The following MXRA5 variants were observed in gnomAD, a reference collection of about 807,000 sequenced individuals.
MXRA5 encodes matrix-remodeling-associated protein 5.
In MXRA5, 41 loss-of-function variants were observed where a neutral mutation model predicts 112.5. The observed-to-expected ratio is 0.36, with a 90% confidence interval of 0.28 to 0.47. The LOEUF (loss-of-function observed/expected upper bound fraction) is 0.47, where lower values mean the gene tolerates loss of function less well. Among genes scored for constraint, MXRA5 ranks in the 20% least tolerant of loss-of-function variants. MXRA5 has a pLI of 0.99. For missense variants in MXRA5, 2,150 were observed against 2,251.0 expected, an observed-to-expected ratio of 0.96 and a Z score of 0.91; for synonymous variants, 862 against 900.8, an observed-to-expected ratio of 0.96 and a Z score of 0.77.
chrX:3,341,333 TTA>T (rs1356993493), intron 2 of MXRA5, among the ~76,000 whole-genome samples: 2 of 43,586 alleles, frequency 4.6e-5, no homozygotes, highest in Non-Finnish European at 7.8e-5. Flanking sequence ...TATATTTACA[TTA>T]TATATATTAT....
chrX:3,324,732 A>T lies in MXRA5; in HGVS notation c.953T>A (p.Ile318Asn), dbSNP rs1467172139. Residue 318 changes from isoleucine (I) to asparagine (N), a missense_variant, in exon 5 of 7, where the codon ATC becomes AAC. Physicochemically the swap from Ile to Asn is moderately radical, Grantham distance 149. Around this residue, in one of 6 missense-constraint regions of MXRA5, gnomAD observed 386 missense variants for 411.0 expected, o/e 0.94. Coordinates refer to ENST00000217939, the MANE Select transcript of MXRA5 (RefSeq NM_015419.4). ...LEKFQLPQWS[I>N]SLNMTDEHGN... ...GTGCTCGTCGGTCATATTCAAAGAG[A>T]TGCTCCACTGGGGCAGTTGGAATTT... 1 of 1,209,492 alleles carries T rather than the reference A, an allele frequency of 8.3e-7. No homozygotes were observed. Among genetic ancestry groups the T allele is most frequent in the South Asian group, 1.8e-5 (1 of 56,734 alleles).
chrX:3,322,721 T>C lies in MXRA5; in HGVS notation c.2964A>G (p.Pro988=), dbSNP rs1921344962. 1.7e-6 allele frequency: 2 copies of C among 1,209,662 alleles called. No homozygotes were observed. Among genetic ancestry groups the C allele is most frequent in the East Asian group, 3.0e-5 (1 of 33,752 alleles). ...TGTCTTCTTTCATCTTATCCTCATC[T>C]GGTTGTGACTTAGTCTCCAAATCTG... is the stretch of plus-strand genomic sequence containing the variant. The part of the protein sequence containing the change: ...FDPDLETKSQ[P]DEDKMKEDTF... The change falls in exon 5 of 7, where the codon CCA becomes CCG. Residue 988 remains proline (P), a synonymous_variant. Coordinates refer to ENST00000217939, the MANE Select transcript of MXRA5 (RefSeq NM_015419.4).
chrX:3,320,087 G>A lies in MXRA5; in HGVS notation c.5598C>T (p.Thr1866=), dbSNP rs375476101. ...AGGGGAACACAGTGTCTGTCTCAGCGGTGACGGACACAGTCTGTGGGGACT... is the reference window on the plus strand; with the variant it reads ...AGGGGAACACAGTGTCTGTCTCAGCAGTGACGGACACAGTCTGTGGGGACT... The part of the protein sequence containing the change: ...LTKSPQTVSV[T]AETDTVFPCE... Residue 1866 remains threonine (T), a synonymous_variant, in exon 5 of 7, where the codon ACC becomes ACT. Transcript: ENST00000217939. 5.0e-6 allele frequency: 6 copies of A among 1,211,341 alleles called. No individual in the cohort carries two copies. Among genetic ancestry groups the A allele is most frequent in the South Asian group, 1.8e-5 (1 of 56,928 alleles).
intron 1 of MXRA5, among the ~76,000 whole-genome samples, chrX:3,344,711 G>T (rs1922066324): frequency 1.8e-5 from 2 of 111,457 alleles, no homozygotes; most frequent in Non-Finnish European, 3.8e-5. Flanking sequence ...CTCTTGAATG[G>T]CGTTCACTTA....
At chrX:3,318,124 G>T in intron 5 of MXRA5, 121 bp from the exon 6 acceptor site, 1 of 543,053 alleles carries the variant, frequency 1.8e-6, no homozygotes, top group Non-Finnish European at 2.8e-6. Flanking sequence ...AGCAAATGTA[G>T]TAGGTAGAAT....
At chrX:3,319,221 G>A (rs146807533) in intron 5 of MXRA5, among the ~76,000 whole-genome samples, 12,630 of 112,251 alleles carry the variant, frequency 0.11, 625 homozygotes, top group Middle Eastern at 0.21. Flanking sequence ...ACACACATAC[G>A]AAATAAGTAT....
intron 2 of MXRA5, among the ~76,000 whole-genome samples, chrX:3,341,038 AT>A (rs1184698725): frequency 6.3e-5 from 5 of 78,827 alleles, no homozygotes; most frequent in Non-Finnish European, 6.9e-5. Flanking sequence ...TGTATAATAT[AT>A]ATTGTGTATA....
rs1921404724 is a variant in MXRA5, at chrX:3,324,454, C to T, written c.1231G>A (p.Ala411Thr). The T allele has an allele frequency of 8.3e-7, 1 of 1,209,693 alleles. No homozygotes were observed. Among genetic ancestry groups the T allele is most frequent in the Admixed American group, 2.2e-5 (1 of 45,653 alleles). The change falls in exon 5 of 7, where the codon GCT becomes ACT. Residue 411 changes from alanine (A) to threonine (T), a missense_variant. Physicochemically the swap from Ala to Thr is moderately conservative, Grantham distance 58 (BLOSUM62 0). Transcript: ENST00000217939. ...PRVSYQYRQD[A>T]DEEALYYTGV... is the part of the protein sequence containing the mutation. Reference sequence around the variant, plus strand: ...GTGTAGTAAAGAGCTTCCTCATCAGCATCCTGCCTGTACTGGTAGCTGACT... The same window carrying T: ...GTGTAGTAAAGAGCTTCCTCATCAGTATCCTGCCTGTACTGGTAGCTGACT...
chrX:3,317,391 C>T lies in MXRA5; in HGVS notation c.6290G>A (p.Gly2097Glu), dbSNP rs1221866574. ...TQIRPSQFLH[G>E]NLFVFPNGTL... Reference sequence around the variant, plus strand: ...CCCGTTGGGGAAAACAAACAAGTTCCCGTGGAGGAACTGCGAGGGGCGGAT... The same window carrying T: ...CCCGTTGGGGAAAACAAACAAGTTCTCGTGGAGGAACTGCGAGGGGCGGAT... Residue 2097 changes from glycine (G) to glutamate (E), a missense_variant, in exon 6 of 7, where the codon GGG (glycine) becomes GAG (glutamate). Gly to Glu is a moderately conservative substitution (Grantham distance 98, BLOSUM62 -2). Transcript: ENST00000217939. 1.7e-6 allele frequency: 2 copies of T among 1,207,510 alleles called. No homozygotes were observed. Among genetic ancestry groups the T allele is most frequent in the African/African-American group, 3.5e-5 (2 of 57,566 alleles).
At chrX:3,312,897 AAGACACTGTCAT>A (rs1921009186) in intron 6 of MXRA5, among the ~76,000 whole-genome samples, 1 of 111,879 alleles carries the variant, frequency 8.9e-6, no homozygotes, top group South Asian at 3.7e-4. Flanking sequence ...TGGCATGTCT[AAGACACTGTCAT>A]AGATCTTTTA....
Position 3,320,501 on chromosome X carries a change from T to C in MXRA5, c.5184A>G (p.Gly1728=), listed in dbSNP as rs1452289075. ...PSPRIPHYSN[G]RLPFFTNKTL... is the part of the protein sequence containing the mutation. Reference sequence around the variant, plus strand: ...TCTTGTTGGTAAAGAAAGGGAGTCTTCCATTGGAATAATGAGGAATTCTTG... The same window carrying C: ...TCTTGTTGGTAAAGAAAGGGAGTCTCCCATTGGAATAATGAGGAATTCTTG... The change falls in exon 5 of 7, where the codon GGA becomes GGG. Residue 1728 remains glycine (G), a synonymous_variant. Coordinates refer to ENST00000217939, the MANE Select transcript of MXRA5 (RefSeq NM_015419.4). 8.3e-7 allele frequency: 1 copy of C among 1,211,571 alleles called. No homozygotes were observed. The highest frequency in any genetic ancestry group is 2.2e-5 in the Admixed American group (1 of 46,076).
Position 3,311,360 on chromosome X carries a change from G to C in MXRA5, c.6843C>G (p.Asp2281Glu). The C allele has an allele frequency of 8.3e-7, 1 of 1,211,886 alleles. No individual in the cohort carries two copies. The highest frequency in any genetic ancestry group is 1.1e-6 in the Non-Finnish European group (1 of 895,513). Residue 2281 changes from aspartate (D) to glutamate (E), a missense_variant, in exon 7 of 7, where the codon GAC (aspartate) becomes GAG (glutamate). Physicochemically the swap from Asp to Glu is conservative, Grantham distance 45. Coordinates refer to ENST00000217939, the MANE Select transcript of MXRA5 (RefSeq NM_015419.4). Reference protein sequence around the residue: ...PNPEISWSLPDGSLVNSFMQS... With the variant: ...PNPEISWSLPEGSLVNSFMQS... ...GCATGAAGGAGTTCACCAGACTCCC[G>C]TCTGGGAGGCTCCAGGAGATCTCGG...
At chrX:3,341,094 G>GTTATACATAATATAATATAATATA (rs1357761529) in intron 2 of MXRA5, among the ~76,000 whole-genome samples, 2 of 16,413 alleles carry the variant, frequency 1.2e-4, no homozygotes, top group African/African-American at 3.4e-4. Flanking sequence ...TACATAATAT[G>GTTATACATAATATAATATAATATA]TTATACATAA....
chrX:3,318,480 C>T (rs1452332047), intron 5 of MXRA5, among the ~76,000 whole-genome samples: 1 of 111,982 alleles, frequency 8.9e-6, no homozygotes, highest in African/African-American at 3.2e-5. Flanking sequence ...AAATGTAAAA[C>T]TGAGATATCA....
Position 3,323,657 on chromosome X carries a change from T to C in MXRA5, c.2028A>G (p.Pro676=), listed in dbSNP as rs761825995. 8.3e-7 allele frequency: 1 copy of C among 1,211,064 alleles called. No homozygotes were observed. The highest frequency in any genetic ancestry group is 3.0e-5 in the East Asian group (1 of 33,811). Residue 676 remains proline (P), a synonymous_variant, in exon 5 of 7, where the codon CCA becomes CCG. Coordinates refer to ENST00000217939, the MANE Select transcript of MXRA5 (RefSeq NM_015419.4). The part of the protein sequence containing the change: ...ITVTKKGSGL[P]SKRGRRPGAK... Reference sequence around the variant, plus strand: ...CACCTGGGCGTCTGCCTCTTTTGGATGGCAAGCCAGACCCTTTCTTGGTCA... The same window carrying C: ...CACCTGGGCGTCTGCCTCTTTTGGACGGCAAGCCAGACCCTTTCTTGGTCA...
At position 3,321,564 on chromosome X, in the gene MXRA5, A is replaced by G. The variant is rs1921306576; in HGVS notation, c.4121T>C (p.Phe1374Ser). The G allele has an allele frequency of 8.3e-7, 1 of 1,208,027 alleles. No homozygotes were observed. Residue 1374 changes from phenylalanine (F) to serine (S), a missense_variant, in exon 5 of 7, where the codon TTT (phenylalanine) becomes TCT (serine). This residue lies in a region of MXRA5 where 1,485 missense variants were observed against 1,471.6 expected (regional missense o/e 1.01). Transcript: ENST00000217939. The stretch of plus-strand genomic sequence containing the variant: ...GGGATTCCAGGTTGGAGTTCCTGGA[A>G]AGCCTACAGGAGAGGATTCTTCCTT... ...EFKEESSPVG[F>S]PGTPTWNPSR...
Position 3,311,532 on chromosome X carries a change from C to T in MXRA5, c.6671G>A (p.Arg2224Gln), listed in dbSNP as rs760604204. The T allele has an allele frequency of 7.4e-6, 9 of 1,210,273 alleles. No homozygotes were observed. The highest frequency in any genetic ancestry group is 3.5e-5 in the African/African-American group (2 of 57,255). The part of the protein sequence containing the change: ...KDAGDYLCVA[R>Q]NKVGDDYVVL... Reference sequence around the variant, plus strand: ...CACGTAGTCATCACCAACCTTATTTCGAGCTACGCACAGGTAATCTCCGGC... The same window carrying T: ...CACGTAGTCATCACCAACCTTATTTTGAGCTACGCACAGGTAATCTCCGGC... Residue 2224 changes from arginine (R) to glutamine (Q), a missense_variant, in exon 7 of 7, where the codon CGA (arginine) becomes CAA (glutamine). Arg to Gln is a conservative substitution (Grantham distance 43). This residue lies in a region of MXRA5 where 1,485 missense variants were observed against 1,471.6 expected (regional missense o/e 1.01). Transcript: ENST00000217939.
chrX:3,322,325 G>A lies in MXRA5; in HGVS notation c.3360C>T (p.Leu1120=). 8.3e-7 allele frequency: 1 copy of A among 1,211,392 alleles called. No individual in the cohort carries two copies. Among genetic ancestry groups the A allele is most frequent in the Non-Finnish European group, 1.1e-6 (1 of 895,455 alleles). The change falls in exon 5 of 7, where the codon CTC becomes CTT. Residue 1120 remains leucine, a synonymous_variant. Coordinates refer to ENST00000217939, the MANE Select transcript of MXRA5 (RefSeq NM_015419.4). ...KKPAETTVGT[L]LDKDTTTATT... is the part of the protein sequence containing the mutation. Reference sequence around the variant, plus strand: ...TTGCTGTTGTGGTGTCTTTGTCTAGGAGGGTACCAACTGTGGTTTCCGCAG... The same window carrying A: ...TTGCTGTTGTGGTGTCTTTGTCTAGAAGGGTACCAACTGTGGTTTCCGCAG...
At chrX:3,312,112 G>A (rs1920997443) in intron 6 of MXRA5, among the ~76,000 whole-genome samples, 1 of 112,083 alleles carries the variant, frequency 8.9e-6, no homozygotes, top group African/African-American at 3.2e-5. Flanking sequence ...TTGGGCAAGA[G>A]TCAGAAAAGC....
Sources: allele counts gnomAD v4.1 joint callset (sites outside exome capture counted in the v4.1 genomes callset), GRCh38; gene constraint gnomAD v4.1.1; regional missense constraint gnomAD v4.1.1; transcripts MANE v1.5; gene names NCBI Gene and HGNC (gene_info 2026-07-23, HGNC 2026-07-21).